The following GRID1 variants were observed in gnomAD, a reference collection of about 807,000 sequenced individuals.
The protein encoded by GRID1 is glutamate ionotropic receptor delta type subunit 1.
In GRID1, 28 loss-of-function variants were observed where a neutral mutation model predicts 98.0. That is an observed-to-expected ratio of 0.29 (90% CI 0.21 to 0.39). The LOEUF (loss-of-function observed/expected upper bound fraction) is 0.39. Ranked by LOEUF, GRID1 falls within the 10% of genes least tolerant of loss-of-function variation. The pLI is 1.00. For synonymous variants in GRID1, 553 were observed against 538.5 expected, an observed-to-expected ratio of 1.03 and a Z score of -0.37; for missense variants, 1,111 against 1,340.5, an observed-to-expected ratio of 0.83 and a Z score of 2.67.
intron 3 of GRID1, among the ~76,000 whole-genome samples, chr10:86,163,324 C>T (rs1255921950): frequency 6.6e-6 from 1 of 152,152 alleles, no homozygotes; most frequent in Admixed American, 6.5e-5. Flanking sequence ...GTCCTTGAGG[C>T]CCATAGCAGA....
intron 4 of GRID1, among the ~76,000 whole-genome samples, chr10:86,034,255 TGTGA>T (rs1228671781): frequency 1.7e-4 from 26 of 152,194 alleles, no homozygotes; most frequent in Admixed American, 1.4e-3. Context: ...CATGTGTGTG[TGTGA>T]GTATGTGTGT....
At chr10:85,984,052 G>A (rs750770764) in intron 4 of GRID1, among the ~76,000 whole-genome samples, 5 of 152,014 alleles carry the variant, frequency 3.3e-5, no homozygotes, top group Non-Finnish European at 5.9e-5. Flanking sequence ...CTGGACTTCA[G>A]GAATGTAATC....
At chr10:86,334,852 A>C (rs926915773) in intron 2 of GRID1, among the ~76,000 whole-genome samples, 23 of 152,334 alleles carry the variant, frequency 1.5e-4, no homozygotes, top group African/African-American at 5.0e-4. Context: ...TCCAGAACAC[A>C]GGCCTGTTAA....
chr10:85,894,314 T>C (rs1424715276), intron 5 of GRID1, among the ~76,000 whole-genome samples: 3 of 152,150 alleles, frequency 2.0e-5, no homozygotes, highest in Non-Finnish European at 4.4e-5. Context: ...TATGCAAAAA[T>C]TAACCGCCAA....
At chr10:85,682,112 G>T (rs767818802) in intron 12 of GRID1, among the ~76,000 whole-genome samples, 21 of 152,232 alleles carry the variant, frequency 1.4e-4, no homozygotes, top group Middle Eastern at 3.4e-3. Flanking sequence ...AAGGGACAAG[G>T]GTCCCAGGGA....
intron 2 of GRID1, among the ~76,000 whole-genome samples, chr10:86,350,518 A>C (rs1192001880): frequency 6.6e-6 from 1 of 152,208 alleles, no homozygotes; most frequent in Non-Finnish European, 1.5e-5. Context: ...CTTGGCTGCC[A>C]GTCCTTCACA....
chr10:85,911,767 G>A (rs950599079), intron 5 of GRID1, among the ~76,000 whole-genome samples: 1 of 152,148 alleles, frequency 6.6e-6, no homozygotes, highest in African/African-American at 2.4e-5. Context: ...TTTTCTATAG[G>A]AGAATTCCCT....
chr10:85,696,461 A>G (rs935144064), intron 12 of GRID1, among the ~76,000 whole-genome samples: 4 of 152,112 alleles, frequency 2.6e-5, no homozygotes, highest in Non-Finnish European at 4.4e-5. Flanking sequence ...GAAGAGCAGA[A>G]AACTATTCAT....
intron 8 of GRID1, among the ~76,000 whole-genome samples, chr10:85,737,673 T>TATATATATATATATATATATATATA: frequency 8.8e-6 from 1 of 113,034 alleles, no homozygotes; most frequent in Non-Finnish European, 1.8e-5. Context: ...TATATATATA[T>TATATATATATATATATATATATATA]AAACATATAT....
intron 11 of GRID1, among the ~76,000 whole-genome samples, chr10:85,723,616 A>G (rs539263090): frequency 1.6e-4 from 24 of 152,322 alleles, no homozygotes; most frequent in African/African-American, 4.6e-4. Context: ...GAGATGTCCC[A>G]TATCACTTTT....
At chr10:85,666,011 T>A (rs1465148588) in intron 12 of GRID1, among the ~76,000 whole-genome samples, 1 of 152,088 alleles carries the variant, frequency 6.6e-6, no homozygotes, top group African/African-American at 2.4e-5. Flanking sequence ...CTGGCAAATG[T>A]CTCCTAAACC....
chr10:85,659,424 C>T (rs1358203896), intron 12 of GRID1, among the ~76,000 whole-genome samples: 1 of 152,176 alleles, frequency 6.6e-6, no homozygotes, highest in African/African-American at 2.4e-5. Context: ...GCTGAGAACC[C>T]AACCAAAGCA....
chr10:86,238,398 A>C (rs1049359187), intron 2 of GRID1, among the ~76,000 whole-genome samples: 1 of 152,212 alleles, frequency 6.6e-6, no homozygotes, highest in Admixed American at 6.5e-5. Flanking sequence ...GTGGTGGCTC[A>C]TGCCTGTAAT....
intron 3 of GRID1, among the ~76,000 whole-genome samples, chr10:86,169,662 T>C (rs1200010820): frequency 6.6e-6 from 1 of 152,148 alleles, no homozygotes; most frequent in Non-Finnish European, 1.5e-5. Flanking sequence ...CCAGCAGCAG[T>C]CCAGCCTGGG....
At chr10:86,148,926 C>A (rs1845123435) in intron 3 of GRID1, among the ~76,000 whole-genome samples, 1 of 152,182 alleles carries the variant, frequency 6.6e-6, no homozygotes, top group Non-Finnish European at 1.5e-5. Context: ...ACCTGCAAAG[C>A]AGAGCCAACC....
At chr10:85,694,550 GTATATATATATATATATATATA>G (rs56344083) in intron 12 of GRID1, among the ~76,000 whole-genome samples, 4,562 of 92,786 alleles carry the variant, frequency 0.049, 179 homozygotes, top group Admixed American at 0.094. Context: ...AATGTGGTGT[GTATATATATATATATATATATA>G]TATATATATA....
At chr10:86,161,594 G>T (rs191976802) in intron 3 of GRID1, among the ~76,000 whole-genome samples, 1 of 152,204 alleles carries the variant, frequency 6.6e-6, no homozygotes, top group Admixed American at 6.5e-5. Context: ...GAGGGTCTCT[G>T]TAGGCCATGA....
intron 3 of GRID1, among the ~76,000 whole-genome samples, chr10:86,190,877 C>T (rs1247886838): frequency 1.3e-5 from 2 of 151,572 alleles, no homozygotes; most frequent in East Asian, 3.9e-4. Flanking sequence ...TGTGCATAGT[C>T]GTGCATGCAT....
chr10:85,984,363 C>T (rs924450628), intron 4 of GRID1, among the ~76,000 whole-genome samples: 3 of 152,240 alleles, frequency 2.0e-5, no homozygotes, highest in African/African-American at 7.2e-5. Context: ...AGCCAGCAGG[C>T]AGGGTGGGAG....
Sources: gnomAD v4.1 joint callset for allele counts (sites outside exome capture counted in the v4.1 genomes callset) on GRCh38, gnomAD v4.1.1 for gene constraint, MANE v1.5 for transcripts, NCBI Gene and HGNC (gene_info 2026-07-23, HGNC 2026-07-21) for gene names.